SDC1: variants seen among roughly 807,000 people sequenced by gnomAD.
SDC1 encodes syndecan 1, also known as syndecan-1.
In SDC1, 14 loss-of-function variants were observed where a neutral mutation model predicts 29.7. The observed-to-expected ratio is 0.47, with a 90% CI of 0.31 to 0.74. The LOEUF (loss-of-function observed/expected upper bound fraction) is 0.74, where lower values mean the gene tolerates loss of function less well. Ranked by LOEUF, SDC1 falls within the 30% of genes least tolerant of loss-of-function variation. SDC1 has a pLI of 0.05. For synonymous variants in SDC1, 204 were observed against 175.5 expected (o/e 1.16, Z -1.29); for missense variants, 406 against 400.3 (o/e 1.01, Z -0.12).
intron 1 of SDC1, among the ~76,000 whole-genome samples, chr2:20,216,970 G>A (rs1040978031): frequency 2.0e-5 from 3 of 152,166 alleles, no homozygotes; most frequent in Non-Finnish European, 2.9e-5. Context: ...CCGTGGGGAA[G>A]AGTTCCCTGA....
intron 1 of SDC1, among the ~76,000 whole-genome samples, chr2:20,205,952 G>A (rs910506996): frequency 1.3e-5 from 2 of 152,240 alleles, no homozygotes; most frequent in African/African-American, 4.8e-5. Context: ...CCCAGGTGTG[G>A]ATACCGAGGA....
chr2:20,223,313 C>T, intron 1 of SDC1: 1 of 1,290,080 alleles, frequency 7.8e-7, no homozygotes, highest in Non-Finnish European at 1.0e-6. Flanking sequence ...CGCTCAATAA[C>T]TGGCAGCTAC....
At chr2:20,208,004 C>T in intron 1 of SDC1, 1 of 985,462 alleles carries the variant, frequency 1.0e-6, no homozygotes, top group Non-Finnish European at 1.2e-6. Flanking sequence ...AGAGAAAGCT[C>T]AAGATGGGGC....
chr2:20,221,830 G>A lies in SDC1; in HGVS notation c.66+2972C>T, dbSNP rs117688305. ...TGAGCCACAGGTAGAGACTTAAACCGCTCCACCCTCCCTGTAGAGCTGAAG... is the reference window on the plus strand; with the variant it reads ...TGAGCCACAGGTAGAGACTTAAACCACTCCACCCTCCCTGTAGAGCTGAAG... On this transcript the variant is annotated intron_variant, in intron 1 of 4. Transcript: ENST00000254351. 3.9e-3 allele frequency among the ~76,000 whole-genome samples: 599 copies of A among 152,182 alleles called. 14 individuals carry two copies. The East Asian group carries it at 0.049, about 12-fold the overall frequency.
rs987048778 is a variant in SDC1 at position 20,205,502 on chromosome 2, T to C, written c.67-78A>G. 4 of 1,158,558 alleles carry C rather than the reference T, an allele frequency of 3.5e-6. No individual in the cohort carries two copies. In the South Asian group the frequency reaches 5.1e-5, roughly 15 times the overall value. 71.8% of individuals were successfully genotyped at this position (1,158,558 alleles called of 1,614,324 possible). On this transcript the variant is annotated intron_variant, in intron 1 of 4. Coordinates refer to ENST00000254351, the MANE Select transcript of SDC1 (RefSeq NM_002997.5). ...GCTCCTGGGTCCTCTCCTAGACAGC[T>C]GAGTGGACTCACCCTACCCTGTGCT...
At position 20,202,620 on chromosome 2, in the gene SDC1, G is replaced by A. The variant is rs553806444; in HGVS notation, c.*146C>T. ...GAGTGGAGCTCCCAGCACACCCCAC[G>A]ACTCCGTGGGCAGGAGCGACCAGAG... is the stretch of plus-strand genomic sequence containing the variant. On this transcript the variant is annotated 3_prime_UTR_variant, in exon 5 of 5. Coordinates refer to ENST00000254351, the MANE Select transcript of SDC1 (RefSeq NM_002997.5). 4.6e-5 allele frequency: 36 copies of A among 779,864 alleles called. No homozygotes were observed. The highest frequency in any genetic ancestry group is 3.7e-4 in the East Asian group (15 of 40,154). 48.3% of individuals were successfully genotyped at this position (779,864 alleles called of 1,614,324 possible).
chr2:20,211,119 C>T (rs924784926), intron 1 of SDC1, among the ~76,000 whole-genome samples: 1 of 152,144 alleles, frequency 6.6e-6, no homozygotes, highest in Non-Finnish European at 1.5e-5. Context: ...CAAACCATCA[C>T]CTGCATCCAG....
chr2:20,224,762 C>T lies in SDC1; in HGVS notation c.66+40G>A. 7.7e-7 allele frequency: 1 copy of T among 1,298,502 alleles called. No homozygotes were observed. The highest frequency in any genetic ancestry group is 9.8e-7 in the Non-Finnish European group (1 of 1,022,956). The allele number at this position is 1,298,502 out of a possible 1,614,324, so 80.4% of individuals were successfully genotyped here. A position where few individuals can be genotyped will look rare whatever the true frequency, so the allele number is the denominator to read the frequency against. On this transcript the variant is annotated intron_variant, in intron 1 of 4. Coordinates refer to ENST00000254351, the MANE Select transcript of SDC1 (RefSeq NM_002997.5). The surrounding 1 kb of genome is among the most constrained non-coding windows in gnomAD (Gnocchi z 4.9). ...GGCATCCGCGGGTGACCAGTCCCGG[C>T]TTCCCGCCGCCTCCCCGCCTGGCCG... is the stretch of plus-strand genomic sequence containing the variant.
At chr2:20,222,005 AAGAG>A (rs1466003177) in intron 1 of SDC1, among the ~76,000 whole-genome samples, 2 of 152,166 alleles carry the variant, frequency 1.3e-5, no homozygotes, top group Non-Finnish European at 2.9e-5. Flanking sequence ...CAAGAAAGAG[AAGAG>A]AGAAAGAATG....
chr2:20,218,484 G>A (rs1257077550), intron 1 of SDC1, among the ~76,000 whole-genome samples: 3 of 152,084 alleles, frequency 2.0e-5, no homozygotes, highest in Non-Finnish European at 1.5e-5. Flanking sequence ...AGGCCCAAAT[G>A]CAGTGGCAAC....
rs1677910898 is a variant in SDC1, at chr2:20,224,073, G to T, written c.66+729C>A. 2 of 315,674 alleles carry T rather than the reference G, an allele frequency of 6.3e-6. No individual in the cohort carries two copies. The highest frequency in any genetic ancestry group is 3.8e-5 in the Admixed American group (1 of 26,416). 19.6% of individuals were successfully genotyped at this position (315,674 alleles called of 1,614,324 possible). The stretch of plus-strand genomic sequence containing the variant: ...TGCGCCTCGGCCGTGCCCGGCACGG[G>T]AACGCGCCCTCCGGGGCCAGCTCAA... On this transcript the variant is annotated intron_variant, in intron 1 of 4. Coordinates refer to ENST00000254351, the MANE Select transcript of SDC1 (RefSeq NM_002997.5). The surrounding 1 kb of genome is among the most constrained non-coding windows in gnomAD (Gnocchi z 4.9).
intron 1 of SDC1, among the ~76,000 whole-genome samples, chr2:20,210,488 C>G (rs55880269): frequency 0.036 from 5,543 of 152,282 alleles, 350 homozygotes; most frequent in African/African-American, 0.13. Flanking sequence ...CCCAAACCAA[C>G]TCAGGAGAGG....
chr2:20,208,306 T>G (rs1027002987), intron 1 of SDC1, among the ~76,000 whole-genome samples: 7 of 152,216 alleles, frequency 4.6e-5, no homozygotes, highest in Non-Finnish European at 1.0e-4. Flanking sequence ...TAAAAACAAT[T>G]TGTTCCCTCA....
rs1157784226 is a variant in SDC1 at position 20,202,126 on chromosome 2, C to T, written c.*640G>A. On this transcript the variant is annotated 3_prime_UTR_variant, in exon 5 of 5. Transcript: ENST00000254351. Reference sequence around the variant, plus strand: ...AAAAAAAAAAAAAAGTCTTCTTAACCCTGATGCTGTCTCCCGACCATAGAT... The same window carrying T: ...AAAAAAAAAAAAAAGTCTTCTTAACTCTGATGCTGTCTCCCGACCATAGAT... 5 of 566,016 alleles carry T rather than the reference C, an allele frequency of 8.8e-6. No individual in the cohort carries two copies. The highest frequency in any genetic ancestry group is 1.6e-5 in the Non-Finnish European group (5 of 318,210). The allele number at this position is 566,016 out of a possible 1,614,324, so 35.1% of individuals were successfully genotyped here.
At chr2:20,218,560 G>GAC (rs1386329581) in intron 1 of SDC1, among the ~76,000 whole-genome samples, 3 of 149,616 alleles carry the variant, frequency 2.0e-5, no homozygotes, top group African/African-American at 7.4e-5. Flanking sequence ...CACACACAGA[G>GAC]ACACACATAT....
In SDC1 at chr2:20,224,919, G is replaced by C. The variant is rs552422717; in HGVS notation, c.-52C>G. The C allele has an allele frequency of 5.0e-6, 6 of 1,204,608 alleles. No individual in the cohort carries two copies. Among genetic ancestry groups the C allele is most frequent in the Non-Finnish European group, 6.2e-6 (6 of 971,110 alleles). The allele number at this position is 1,204,608 out of a possible 1,614,324, so 74.6% of individuals were successfully genotyped here. The stretch of plus-strand genomic sequence containing the variant: ...GGCAGGCTGCGCGGGTCGCGGCTGC[G>C]GGCCGGCTTCGCGGGTTCCGCTGCT... On this transcript the variant is annotated 5_prime_UTR_variant, in exon 1 of 5. Coordinates refer to ENST00000254351, the MANE Select transcript of SDC1 (RefSeq NM_002997.5). This position sits in a 1 kb window ranked among gnomAD's most constrained non-coding sequence, Gnocchi z 4.9.
In SDC1 at chr2:20,224,371, A is replaced by G. The variant is rs1430587453; in HGVS notation, c.66+431T>C. ...CCGGGCTCGGCGGCGCTGGGGCGCA[A>G]GCCCGCGGGTCTGGTTTGAATTAGG... On this transcript the variant is annotated intron_variant, in intron 1 of 4. Transcript: ENST00000254351. The surrounding 1 kb of genome is among the most constrained non-coding windows in gnomAD (Gnocchi z 4.9). 1 of 151,842 alleles carries G rather than the reference A, an allele frequency of 6.6e-6. No homozygotes were observed. Among genetic ancestry groups the G allele is most frequent in the Non-Finnish European group, 1.5e-5 (1 of 68,376 alleles). The allele number at this position is 151,842 out of a possible 1,614,324, so 9.4% of individuals were successfully genotyped here.
intron 1 of SDC1, among the ~76,000 whole-genome samples, chr2:20,207,606 G>A (rs1426634429): frequency 6.6e-6 from 1 of 152,220 alleles, no homozygotes; most frequent in African/African-American, 2.4e-5. Flanking sequence ...TTGGGAGGCT[G>A]AGGCAGGAGA....
intron 2 of SDC1, 142 bp downstream of exon 2, chr2:20,205,201 C>A: frequency 1.4e-6 from 1 of 716,098 alleles, no homozygotes. Flanking sequence ...TCAGCATTGC[C>A]CTTTGGAGCC....
Sources: gnomAD v4.1 joint callset for allele counts (sites outside exome capture counted in the v4.1 genomes callset) on GRCh38, gnomAD v4.1.1 for gene constraint, Gnocchi (gnomAD v3.1) non-coding constraint, MANE v1.5 for transcripts, NCBI Gene and HGNC (gene_info 2026-07-23, HGNC 2026-07-21) for gene names.